The following BICDL2 variants were observed in gnomAD, a reference collection of about 807,000 sequenced individuals.
The protein encoded by BICDL2 is BICD family-like cargo adapter 2.
A neutral mutation model predicts 56.6 loss-of-function variants in BICDL2; 62 were observed. The observed-to-expected ratio is 1.10, with a 90% CI of 0.89 to 1.35. The LOEUF (loss-of-function observed/expected upper bound fraction) is 1.35, where lower values mean the gene tolerates loss of function less well. Among genes scored for constraint, BICDL2 ranks in the 40% most tolerant of loss-of-function variants. BICDL2 has a pLI of 0.00. For synonymous variants in BICDL2, 358 were observed against 319.8 expected (o/e 1.12, Z -1.27); for missense variants, 808 against 684.5 (o/e 1.18, Z -2.01).
At position 3,035,197 on chromosome 16, in the gene BICDL2, C is replaced by T. The variant is rs894044930; in HGVS notation, c.282+18G>A. The T allele has an allele frequency of 1.5e-5, 6 of 388,928 alleles. No individual in the cohort carries two copies. Among genetic ancestry groups the T allele is most frequent in the East Asian group, 8.0e-5 (1 of 12,474 alleles). 24.1% of individuals were successfully genotyped at this position (388,928 alleles called of 1,614,324 possible). A position where few individuals can be genotyped will look rare whatever the true frequency, so the allele number is the denominator to read the frequency against. ...CCCCTGCCCACCCACCCACCCACCC[C>T]GTCCAGTGCTAGCTCACTTCCTCAC... On this transcript the variant is annotated intron_variant, in intron 2 of 9. Coordinates refer to ENST00000572449, the MANE Select transcript of BICDL2 (RefSeq NM_001369667.1).
intron 1 of BICDL2, chr16:3,036,618 C>G (rs1425277777): frequency 2.2e-6 from 1 of 451,200 alleles, no homozygotes; most frequent in Non-Finnish European, 4.4e-6. Context: ...TCCCCCGCCC[C>G]CCTCCACGCG....
At chr16:3,030,850 C>G in intron 3 of BICDL2, 38 bp from the exon 4 acceptor site, 2 of 1,573,504 alleles carry the variant, frequency 1.3e-6, no homozygotes, top group Non-Finnish European at 1.7e-6. Context: ...AGCCTCAGCA[C>G]CAAGCCCAAT....
chr16:3,029,945 C>A, intron 5 of BICDL2: 1 of 541,802 alleles, frequency 1.8e-6, no homozygotes, highest in Non-Finnish European at 3.2e-6. Flanking sequence ...AGAGCAGGGC[C>A]GCACCTCGAA....
At chr16:3,028,514 C>T in intron 8 of BICDL2, 46 bp from the exon 9 acceptor site, 4 of 1,561,200 alleles carry the variant, frequency 2.6e-6, no homozygotes, top group Non-Finnish European at 3.4e-6. Flanking sequence ...GCTAGGGCCT[C>T]AGGGAGCCGG....
At chr16:3,036,264 G>A (rs973943956) in intron 1 of BICDL2, 10 of 455,048 alleles carry the variant, frequency 2.2e-5, no homozygotes, top group African/African-American at 2.0e-4. Context: ...CCAGGACAGG[G>A]CGAGGTAACA....
chr16:3,030,855 C>G, intron 3 of BICDL2, 43 bp from the exon 4 acceptor site: 1 of 1,566,968 alleles, frequency 6.4e-7, no homozygotes, highest in African/African-American at 1.3e-5. Context: ...CAGCACCAAG[C>G]CCAATGCACC....
At chr16:3,036,414 C>A (rs996170246) in intron 1 of BICDL2, 2 of 455,346 alleles carry the variant, frequency 4.4e-6, no homozygotes, top group African/African-American at 4.0e-5. Context: ...GGGCCCGACA[C>A]AACAGCTTTA....
intron 4 of BICDL2, 37 bp from the exon 5 acceptor site, chr16:3,030,632 C>G: frequency 6.3e-7 from 1 of 1,592,536 alleles, no homozygotes; most frequent in African/African-American, 1.3e-5. Flanking sequence ...CAGGGGCAGC[C>G]CCTCCCAGCC....
In BICDL2 at chr16:3,030,965, C is replaced by T. The variant is rs1298100298; in HGVS notation, c.468G>A (p.Gln156=). The change falls in exon 3 of 10, where the codon CAG becomes CAA. Residue 156 remains glutamine, a synonymous_variant. Coordinates refer to ENST00000572449, the MANE Select transcript of BICDL2 (RefSeq NM_001369667.1). ...CCAGCTGCTGGCTGAGCCGGAGGTT[C>T]TGCTCGCTGAGCTCGCTGAGGGCCC... ...RARALSELSE[Q]NLRLSQQLAQ... 2.6e-6 allele frequency: 4 copies of T among 1,551,296 alleles called. No homozygotes were observed. The African/African-American group carries it at 4.1e-5, about 16-fold the overall frequency.
At position 3,030,676 on chromosome 16, in the gene BICDL2, C is replaced by T. The variant is rs200757881; in HGVS notation, c.615+20G>A. On this transcript the variant is annotated intron_variant, in intron 4 of 9. Transcript: ENST00000572449. ...GGCTTTTTTGGCTCAGATAATCCCC[C>T]AGCCCCAGCTGACACTCACTTCCCC... 3.8e-3 allele frequency: 6,156 copies of T among 1,604,288 alleles called. 58 individuals are homozygous for T. The highest frequency in any genetic ancestry group is 0.017 in the South Asian group (1,564 of 89,886).
chr16:3,027,976 C>A lies in BICDL2; in HGVS notation c.*130G>T. On this transcript the variant is annotated 3_prime_UTR_variant, in exon 10 of 10. Coordinates refer to ENST00000572449, the MANE Select transcript of BICDL2 (RefSeq NM_001369667.1). Reference sequence around the variant, plus strand: ...GATGAGCCCCTGCTCCCGATGAGCCCTTGCCCAGCATCCTGGGGCGGGGAG... The same window carrying A: ...GATGAGCCCCTGCTCCCGATGAGCCATTGCCCAGCATCCTGGGGCGGGGAG... The A allele has an allele frequency of 7.7e-7, 1 of 1,300,060 alleles. No homozygotes were observed. The highest frequency in any genetic ancestry group is 1.6e-5 in the African/African-American group (1 of 63,982). The allele number at this position is 1,300,060 out of a possible 1,614,324, so 80.5% of individuals were successfully genotyped here.
At chr16:3,028,543 T>G (rs2079244) in intron 8 of BICDL2, 75 bp from the exon 9 acceptor site, 909,499 of 1,541,128 alleles carry the variant, frequency 0.59, 270,791 homozygotes, top group African/African-American at 0.66. Flanking sequence ...GGGACTTCTG[T>G]ACCCGGGCGG....
chr16:3,027,797 T>A lies in BICDL2; in HGVS notation c.*309A>T. Reference sequence around the variant, plus strand: ...ATGGGGGCCAAATCGGTGGAGTGATTTATATATTACTCTGTCCGATCTTGA... The same window carrying A: ...ATGGGGGCCAAATCGGTGGAGTGATATATATATTACTCTGTCCGATCTTGA... On this transcript the variant is annotated 3_prime_UTR_variant, in exon 10 of 10. Coordinates refer to ENST00000572449, the MANE Select transcript of BICDL2 (RefSeq NM_001369667.1). 3.1e-6 allele frequency: 3 copies of A among 967,578 alleles called. No homozygotes were observed. Among genetic ancestry groups the A allele is most frequent in the African/African-American group, 1.7e-5 (1 of 60,442 alleles). 59.9% of individuals were successfully genotyped at this position (967,578 alleles called of 1,614,324 possible).
At chr16:3,035,809 A>G (rs924248855) in intron 1 of BICDL2, 13 of 423,424 alleles carry the variant, frequency 3.1e-5, no homozygotes, top group Non-Finnish European at 4.3e-5. Flanking sequence ...GCCACAGGCC[A>G]CCTCTGCTCC....
At chr16:3,035,179 CCACCCACCCA>C in intron 2 of BICDL2, 26 bp downstream of exon 2, 3 of 148,714 alleles carry the variant, frequency 2.0e-5, no homozygotes, top group South Asian at 2.6e-4. Context: ...CCTCCCCTGC[CCACCCACCCA>C]CCCACCCCGT....
In BICDL2 at chr16:3,033,507, G is replaced by T. The variant is rs186536085; in HGVS notation, c.282+1708C>A. On this transcript the variant is annotated intron_variant, in intron 2 of 9. Transcript: ENST00000572449. The stretch of plus-strand genomic sequence containing the variant: ...TTCACTCAAGAAAGGTTGGCTGAGC[G>T]CATTGACTCACACCTGTAATCCCAA... Among the ~76,000 whole-genome samples, 4 of 151,594 alleles carry T rather than the reference G, an allele frequency of 2.6e-5. No individual in the cohort carries two copies. The East Asian group carries it at 7.9e-4, about 30-fold the overall frequency.
At chr16:3,035,193 A>G (rs750413200) in intron 2 of BICDL2, 22 bp downstream of exon 2, 17 of 71,024 alleles carry the variant, frequency 2.4e-4, no homozygotes, top group Non-Finnish European at 3.7e-4. Context: ...CCACCCACCC[A>G]CCCCGTCCAG....
At chr16:3,029,858 C>A in intron 5 of BICDL2, 119 bp from the exon 6 acceptor site, 1 of 865,296 alleles carries the variant, frequency 1.2e-6, no homozygotes, top group Non-Finnish European at 1.7e-6. Flanking sequence ...GCGGCCCAGG[C>A]TGTTCCCGTT....
chr16:3,029,394 G>C lies in BICDL2; in HGVS notation c.993C>G (p.Ser331Arg), dbSNP rs770892329. The stretch of plus-strand genomic sequence containing the variant: ...TCTCTTCCGGGGGTGAAGGCTGGGG[G>C]CTGGACGCCTTTCGGGTCTTTGGGG... ...TRSPKTRKASSPQPSPPEEIL... is the reference protein window; with the variant it reads ...TRSPKTRKASRPQPSPPEEIL... The change falls in exon 7 of 10, where the codon AGC becomes AGG. Residue 331 changes from serine (S) to arginine (R), a missense_variant. By Grantham distance (110) the Ser-to-Arg change is moderately radical. Coordinates refer to ENST00000572449, the MANE Select transcript of BICDL2 (RefSeq NM_001369667.1). 1 of 1,608,448 alleles carries C rather than the reference G, an allele frequency of 6.2e-7. No individual in the cohort carries two copies. Among genetic ancestry groups the C allele is most frequent in the Non-Finnish European group, 8.5e-7 (1 of 1,179,326 alleles).
Sources: gnomAD v4.1 joint callset for allele counts (sites outside exome capture counted in the v4.1 genomes callset) on GRCh38, gnomAD v4.1.1 for gene constraint, MANE v1.5 for transcripts, NCBI Gene and HGNC (gene_info 2026-07-23, HGNC 2026-07-21) for gene names.